Variants in NRK observed in about 807,000 individuals in gnomAD.
NRK encodes nik-related protein kinase.
NRK carries 67 observed loss-of-function variants against 125.2 expected under a neutral mutation model. The observed-to-expected ratio is 0.54, with a 90% CI of 0.44 to 0.66. NRK has a LOEUF of 0.66. NRK is among the 30% of genes least tolerant of loss of function. The probability of loss-of-function intolerance (pLI) is 0.00; values close to 1 mark genes in which losing one functional copy is unlikely to be tolerated. For synonymous variants in NRK, 458 were observed against 429.0 expected (o/e 1.07, Z -0.84); for missense variants, 1,224 against 1,192.9 (o/e 1.03, Z -0.38).
At chrX:105,879,500 T>C (rs2039859432) in intron 2 of NRK, among the ~76,000 whole-genome samples, 1 of 111,471 alleles carries the variant, frequency 9.0e-6, no homozygotes, top group Admixed American at 9.6e-5. Context: ...CTGTAGCTTA[T>C]ACTTGCATTT....
intron 5 of NRK, among the ~76,000 whole-genome samples, chrX:105,892,086 G>T (rs966176399): frequency 9.0e-6 from 1 of 111,611 alleles, no homozygotes; most frequent in African/African-American, 3.3e-5. Context: ...TATTTGTCAG[G>T]TGTTGTGCTA....
intron 2 of NRK, among the ~76,000 whole-genome samples, chrX:105,846,779 C>T (rs2039407566): frequency 8.9e-6 from 1 of 111,737 alleles, no homozygotes; most frequent in Admixed American, 9.5e-5. Context: ...GTGAGGGAGA[C>T]TATTTGCTGT....
rs189082528 is a variant in NRK, at chrX:105,895,115, T to A, written c.490-318T>A. ...ATATTCAAGATGTCCAGATCTTTAC[T>A]CTTATGGCTAGTTGGAAATACGGAG... On this transcript the variant is annotated intron_variant, in intron 6 of 28. Transcript: ENST00000243300. The A allele has an allele frequency of 2.7e-5, 12 of 449,878 alleles. No homozygotes were observed. In the African/African-American group the frequency reaches 2.7e-4, roughly 10 times the overall value. The allele number at this position is 449,878 out of a possible 1,213,427, so 37.1% of individuals were successfully genotyped here.
At chrX:105,896,160 C>T (rs2040080073) in intron 7 of NRK, among the ~76,000 whole-genome samples, 1 of 111,802 alleles carries the variant, frequency 8.9e-6, no homozygotes, top group African/African-American at 3.2e-5. Flanking sequence ...TGTCCTTAAG[C>T]TCATAGGGAA....
intron 9 of NRK, among the ~76,000 whole-genome samples, chrX:105,903,012 T>G (rs1458852201): frequency 2.7e-5 from 3 of 111,191 alleles, no homozygotes; most frequent in Non-Finnish European, 5.7e-5. Flanking sequence ...ATTCAAACAA[T>G]ACGGGGACCT....
chrX:105,936,213 T>A, intron 21 of NRK, among the ~76,000 whole-genome samples: 1 of 111,546 alleles, frequency 9.0e-6, no homozygotes, highest in South Asian at 3.7e-4. Flanking sequence ...GACAGGGTTT[T>A]AAATTAAAAA....
chrX:105,894,130 G>A (rs2040050622), intron 6 of NRK, among the ~76,000 whole-genome samples, 188 bp downstream of exon 6: 1 of 112,018 alleles, frequency 8.9e-6, no homozygotes, highest in Non-Finnish European at 1.9e-5. Flanking sequence ...TAAATAAGCT[G>A]GGTAACAAAC....
At chrX:105,844,366 C>A (rs1013223320) in intron 2 of NRK, among the ~76,000 whole-genome samples, 2 of 111,103 alleles carry the variant, frequency 1.8e-5, no homozygotes, top group Non-Finnish European at 3.8e-5. Context: ...TTCACCACCA[C>A]CACTACTGCA....
At chrX:105,849,996 G>A (rs2039450516) in intron 2 of NRK, among the ~76,000 whole-genome samples, 1 of 112,059 alleles carries the variant, frequency 8.9e-6, no homozygotes, top group Non-Finnish European at 1.9e-5. Context: ...GACTCTGTGT[G>A]GGGGCTCCAA....
chrX:105,895,126 G>A (rs2040064186), intron 6 of NRK: 1 of 461,233 alleles, frequency 2.2e-6, no homozygotes, highest in Non-Finnish European at 3.8e-6. Flanking sequence ...CTTATGGCTA[G>A]TTGGAAATAC....
chrX:105,896,924 ATAGT>A (rs201372982), intron 7 of NRK, among the ~76,000 whole-genome samples: 1,752 of 112,663 alleles, frequency 0.016, 35 homozygotes, highest in African/African-American at 0.053. Context: ...CGCAGGATAG[ATAGT>A]TAATCACAAG....
chrX:105,849,397 C>A (rs2147663868), intron 2 of NRK, among the ~76,000 whole-genome samples: 1 of 111,224 alleles, frequency 9.0e-6, no homozygotes, highest in Non-Finnish European at 1.9e-5. Flanking sequence ...ACAGCCAAAC[C>A]ATATCATACG....
rs776092743 is a variant in NRK at position 105,927,046 on chromosome X, A to G, written c.3312+2015A>G. 4.5e-5 allele frequency among the ~76,000 whole-genome samples: 5 copies of G among 111,162 alleles called. No homozygotes were observed. In the Admixed American group the frequency reaches 4.8e-4, roughly 11 times the overall value. On this transcript the variant is annotated intron_variant, in intron 19 of 28. Coordinates refer to ENST00000243300, the MANE Select transcript of NRK (RefSeq NM_198465.4). ...TCATTGGTATTTTCATAAGGATTGC[A>G]TAGAATCTGGATATTGCTTGGGATA...
At position 105,957,244 on chromosome X, in the gene NRK, T is replaced by TCC. The variant is rs2040988442; in HGVS notation, c.*1644_*1645insCC. On this transcript the variant is annotated 3_prime_UTR_variant, in exon 29 of 29. Coordinates refer to ENST00000243300, the MANE Select transcript of NRK (RefSeq NM_198465.4). ...TAAAACTGGCTTATCCTTGAGTGTT[T>TCC]ACAACTCAAACAACTTTTTGAATGC... The TCC allele has an allele frequency of 9.0e-6, 1 of 111,691 alleles. No individual in the cohort carries two copies. Among genetic ancestry groups the TCC allele is most frequent in the Non-Finnish European group, 1.9e-5 (1 of 53,048 alleles). The allele number at this position is 111,691 out of a possible 1,213,427, so 9.2% of individuals were successfully genotyped here.
rs982851888 is a variant in NRK, at chrX:105,822,603, C to T, written c.-243C>T. ...TTCGTCTCCAGGACTGACGCTCAGG[C>T]TCCTCTCTCGCCTTAGCCCAACTTG... On this transcript the variant is annotated 5_prime_UTR_variant, in exon 1 of 29. Transcript: ENST00000243300. 2.3e-6 allele frequency: 1 copy of T among 433,812 alleles called. No individual in the cohort carries two copies. Among genetic ancestry groups the T allele is most frequent in the Non-Finnish European group, 4.1e-6 (1 of 245,689 alleles). 35.8% of individuals were successfully genotyped at this position (433,812 alleles called of 1,213,427 possible).
At position 105,949,683 on chromosome X, in the gene NRK, C is replaced by G; in HGVS notation, c.4462C>G (p.Gln1488Glu). The change falls in exon 27 of 29, where the codon CAA becomes GAA. Residue 1488 changes from glutamine (Q) to glutamate (E), a missense_variant. Coordinates refer to ENST00000243300, the MANE Select transcript of NRK (RefSeq NM_198465.4). Reference sequence around the variant, plus strand: ...AGCCCTCTCTGTGGAAGCAAATGAACAACTCTTCAAGAAGATCCTTGAAAT... The same window carrying G: ...AGCCCTCTCTGTGGAAGCAAATGAAGAACTCTTCAAGAAGATCCTTGAAAT... ...AEALSVEANE[Q>E]LFKKILEMWK... 2 of 1,201,164 alleles carry G rather than the reference C, an allele frequency of 1.7e-6. No individual in the cohort carries two copies. Among genetic ancestry groups the G allele is most frequent in the Non-Finnish European group, 2.3e-6 (2 of 886,749 alleles).
intron 2 of NRK, among the ~76,000 whole-genome samples, chrX:105,837,672 G>A (rs1397501898): frequency 9.0e-6 from 1 of 111,162 alleles, no homozygotes; most frequent in Non-Finnish European, 1.9e-5. Context: ...AGGAGAGAAA[G>A]TACTGGTCTT....
intron 24 of NRK, 68 bp from the exon 25 acceptor site, chrX:105,945,804 T>C (rs1052028549): frequency 7.1e-6 from 7 of 991,915 alleles, no homozygotes; most frequent in South Asian, 4.5e-5. Context: ...CTAGAAACCA[T>C]AGGAGCCTAG....
chrX:105,890,798 T>G (rs1380299254), intron 5 of NRK, among the ~76,000 whole-genome samples: 3 of 111,615 alleles, frequency 2.7e-5, no homozygotes, highest in Non-Finnish European at 5.6e-5. Flanking sequence ...TTATGGGAGC[T>G]ACAATTCAAG....
Sources: gnomAD v4.1 joint callset for allele counts (sites outside exome capture counted in the v4.1 genomes callset) on GRCh38, gnomAD v4.1.1 for gene constraint, MANE v1.5 for transcripts, NCBI Gene and HGNC (gene_info 2026-07-23, HGNC 2026-07-21) for gene names.